Variants in SLC9A9 observed in about 807,000 individuals in gnomAD.
SLC9A9 encodes solute carrier family 9 member A9, also known as sodium/hydrogen exchanger 9.
In SLC9A9, 62 loss-of-function variants were observed where a neutral mutation model predicts 77.8. The observed-to-expected ratio is 0.80, with a 90% CI of 0.65 to 0.98. The LOEUF (loss-of-function observed/expected upper bound fraction) is 0.98, where lower values mean the gene tolerates loss of function less well. SLC9A9 is among the 50% of genes least tolerant of loss of function. The pLI is 0.00. For synonymous variants in SLC9A9, 320 were observed against 283.5 expected, an observed-to-expected ratio of 1.13 and a Z score of -1.29; for missense variants, 775 against 774.9, an observed-to-expected ratio of 1.00 and a Z score of 0.00.
At chr3:143,417,278 T>C (rs189481050) in intron 12 of SLC9A9, among the ~76,000 whole-genome samples, 52 of 152,194 alleles carry the variant, frequency 3.4e-4, no homozygotes, top group Admixed American at 3.0e-3. Context: ...TGGCAGACTT[T>C]GAAATGCCCC....
chr3:143,629,731 T>C (rs1183480868), intron 6 of SLC9A9, among the ~76,000 whole-genome samples: 1 of 151,932 alleles, frequency 6.6e-6, no homozygotes, highest in African/African-American at 2.4e-5. Flanking sequence ...GGTGGAATGG[T>C]GGGATGTTTT....
intron 8 of SLC9A9, 118 bp from the exon 9 acceptor site, chr3:143,552,568 G>GT: frequency 2.5e-6 from 2 of 794,294 alleles, no homozygotes; most frequent in South Asian, 3.0e-5. Flanking sequence ...ACTGCTAGTA[G>GT]TTACCATGAT....
chr3:143,385,269 A>T (rs2033397902), intron 12 of SLC9A9, among the ~76,000 whole-genome samples: 1 of 152,116 alleles, frequency 6.6e-6, no homozygotes, highest in Non-Finnish European at 1.5e-5. Context: ...TAACCCTGAC[A>T]GTCAAATTTA....
intron 6 of SLC9A9, among the ~76,000 whole-genome samples, chr3:143,598,392 G>T (rs1346448498): frequency 1.3e-5 from 2 of 152,234 alleles, no homozygotes; most frequent in African/African-American, 4.8e-5. Flanking sequence ...TAGAGCCAAA[G>T]GATGGGGCTG....
chr3:143,284,856 G>A (rs1156237138), intron 14 of SLC9A9, among the ~76,000 whole-genome samples: 4 of 152,236 alleles, frequency 2.6e-5, no homozygotes, highest in East Asian at 1.9e-4. Context: ...TGAAGTCGTC[G>A]TTTATGGGTA....
At chr3:143,395,675 G>A (rs1314689536) in intron 12 of SLC9A9, among the ~76,000 whole-genome samples, 1 of 152,036 alleles carries the variant, frequency 6.6e-6, no homozygotes, top group Non-Finnish European at 1.5e-5. Context: ...TACAGAATGG[G>A]AGAAAATTTT....
At chr3:143,584,397 C>T (rs903630552) in intron 6 of SLC9A9, among the ~76,000 whole-genome samples, 9 of 152,162 alleles carry the variant, frequency 5.9e-5, no homozygotes, top group Non-Finnish European at 2.9e-5. Context: ...TAGAACAGCC[C>T]GCTTCTCCAG....
At chr3:143,563,331 G>A (rs2037117928) in intron 8 of SLC9A9, among the ~76,000 whole-genome samples, 1 of 152,078 alleles carries the variant, frequency 6.6e-6, no homozygotes, top group African/African-American at 2.4e-5. Flanking sequence ...TCCACTTCTG[G>A]ACCCCCTCAG....
Position 143,713,761 on chromosome 3 carries a change from C to T in SLC9A9, c.534-20454G>A, listed in dbSNP as rs192826584. ...ACACATACAGGTGTACTTGAGGGAG[C>T]AAATTTGGGAAATAAAACGAGATAA... On this transcript the variant is annotated intron_variant, in intron 4 of 15. Coordinates refer to ENST00000316549, the MANE Select transcript of SLC9A9 (RefSeq NM_173653.4). Among the ~76,000 whole-genome samples, 115 of 152,058 alleles carry T rather than the reference C, an allele frequency of 7.6e-4. 2 individuals are homozygous for T. The highest frequency in any genetic ancestry group is 2.0e-3 in the African/African-American group (84 of 41,478).
Position 143,398,250 on chromosome 3 carries a change from C to A in SLC9A9, c.1470-16136G>T, listed in dbSNP as rs1271468787. On this transcript the variant is annotated intron_variant, in intron 12 of 15. Transcript: ENST00000316549. The stretch of plus-strand genomic sequence containing the variant: ...TTAGCACAGGATAAAGCTCTTCATT[C>A]CTTGTTGAGGATTAGGCCTTACAAG... 2.0e-5 allele frequency among the ~76,000 whole-genome samples: 3 copies of A among 152,170 alleles called. No homozygotes were observed. In the East Asian group the frequency reaches 5.8e-4, roughly 29 times the overall value.
At chr3:143,435,629 A>G (rs1021056386) in intron 12 of SLC9A9, among the ~76,000 whole-genome samples, 6 of 152,244 alleles carry the variant, frequency 3.9e-5, no homozygotes, top group Middle Eastern at 3.4e-3. Context: ...GACTTTCACT[A>G]TGTTATCTTA....
intron 4 of SLC9A9, among the ~76,000 whole-genome samples, chr3:143,789,485 T>A (rs920883796): frequency 1.8e-4 from 28 of 152,304 alleles, no homozygotes; most frequent in African/African-American, 6.7e-4. Flanking sequence ...CTGTTCTAAA[T>A]CATTCTCTTT....
intron 4 of SLC9A9, among the ~76,000 whole-genome samples, chr3:143,711,913 C>T (rs542446049): frequency 1.3e-5 from 2 of 152,296 alleles, no homozygotes; most frequent in South Asian, 4.1e-4. Context: ...CTACATGGGG[C>T]TAATTCTGAA....
intron 2 of SLC9A9, among the ~76,000 whole-genome samples, chr3:143,827,760 A>T (rs1559817021): frequency 6.6e-6 from 1 of 152,180 alleles, no homozygotes; most frequent in East Asian, 1.9e-4. Context: ...ACTAAACTAT[A>T]TTTTTCTAAG....
chr3:143,625,290 A>G (rs561291673), intron 6 of SLC9A9, among the ~76,000 whole-genome samples: 43 of 152,354 alleles, frequency 2.8e-4, no homozygotes, highest in African/African-American at 9.9e-4. Flanking sequence ...GAGCCAAAAA[A>G]GAGCCCGCAT....
chr3:143,387,548 C>G (rs1235428276), intron 12 of SLC9A9, among the ~76,000 whole-genome samples: 1 of 152,082 alleles, frequency 6.6e-6, no homozygotes, highest in African/African-American at 2.4e-5. Context: ...AAGTTGAGTG[C>G]TGCCTCTATG....
intron 6 of SLC9A9, among the ~76,000 whole-genome samples, chr3:143,618,448 G>T (rs1045757177): frequency 3.9e-5 from 6 of 152,244 alleles, no homozygotes; most frequent in African/African-American, 1.4e-4. Context: ...GAGTCTCAGG[G>T]CCCAATGTTC....
intron 4 of SLC9A9, among the ~76,000 whole-genome samples, chr3:143,779,389 T>G (rs1029661011): frequency 5.9e-5 from 9 of 152,224 alleles, no homozygotes; most frequent in Non-Finnish European, 1.2e-4. Flanking sequence ...GTTTGTTTTT[T>G]GAGATGGAGT....
intron 12 of SLC9A9, among the ~76,000 whole-genome samples, chr3:143,399,979 C>T (rs1034531150): frequency 3.9e-5 from 6 of 152,120 alleles, no homozygotes; most frequent in East Asian, 1.9e-4. Context: ...AAAGTACATA[C>T]GGTGAGTTTC....
Sources: gnomAD v4.1 joint callset for allele counts (sites outside exome capture counted in the v4.1 genomes callset) on GRCh38, gnomAD v4.1.1 for gene constraint, MANE v1.5 for transcripts, NCBI Gene and HGNC (gene_info 2026-07-23, HGNC 2026-07-21) for gene names.